INTS10: variants seen among roughly 807,000 people sequenced by gnomAD.
The protein encoded by INTS10 is integrator complex subunit 10.
In INTS10, 44 loss-of-function variants were observed where a neutral mutation model predicts 94.4. The ratio of observed to expected loss-of-function variants is 0.47; its 90% CI spans 0.37 to 0.60. INTS10 has a LOEUF of 0.60. INTS10 is among the 20% of genes least tolerant of loss of function. INTS10 has a pLI of 0.00. For synonymous variants in INTS10, 341 were observed against 320.7 expected (o/e 1.06, Z -0.68); for missense variants, 797 against 868.7 (o/e 0.92, Z 1.04).
At chr8:19,840,719 A>T (rs1041202646) in intron 13 of INTS10, among the ~76,000 whole-genome samples, 1 of 151,982 alleles carries the variant, frequency 6.6e-6, no homozygotes, top group Non-Finnish European at 1.5e-5. Context: ...TACGTTGTAT[A>T]TGTTTGAAGT....
At position 19,826,509 on chromosome 8, in the gene INTS10, A is replaced by C; in HGVS notation, c.1090A>C (p.Lys364Gln). The change falls in exon 9 of 17, where the codon AAA becomes CAA. Residue 364 changes from lysine to glutamine, a missense_variant. Transcript: ENST00000397977. ...VYGDVEIDRN[K>Q]HIHKKRKLAE... is the part of the protein sequence containing the mutation. ...TGGTGATGTAGAAATTGATCGTAAT[A>C]AACACATCCATAAAAAGAGGAAACT... The C allele has an allele frequency of 6.2e-7, 1 of 1,612,964 alleles. No individual in the cohort carries two copies. The highest frequency in any genetic ancestry group is 8.5e-7 in the Non-Finnish European group (1 of 1,179,636).
chr8:19,819,327 A>C (rs996290326), intron 2 of INTS10, among the ~76,000 whole-genome samples: 1 of 152,142 alleles, frequency 6.6e-6, no homozygotes, highest in Non-Finnish European at 1.5e-5. Flanking sequence ...GTTGACTTTT[A>C]GAAGCTCTTT....
chr8:19,843,010 A>C lies in INTS10; in HGVS notation c.1719+83A>C. On this transcript the variant is annotated intron_variant, in intron 14 of 16. Transcript: ENST00000397977. This position sits in a 1 kb window ranked among gnomAD's most constrained non-coding sequence, Gnocchi z 4.7. ...ACTCGAGAACTTGAGAACCTTGCTA[A>C]GGATTGTTATTTTAGTACTTTTGAG... is the stretch of plus-strand genomic sequence containing the variant. 1.0e-6 allele frequency: 1 copy of C among 987,396 alleles called. No homozygotes were observed. Among genetic ancestry groups the C allele is most frequent in the Admixed American group, 1.8e-5 (1 of 56,032 alleles). The allele number at this position is 987,396 out of a possible 1,614,324, so 61.2% of individuals were successfully genotyped here. A position where few individuals can be genotyped will look rare whatever the true frequency, so the allele number is the denominator to read the frequency against.
chr8:19,846,098 T>C lies in INTS10; in HGVS notation c.1976+301T>C, dbSNP rs569643239. On this transcript the variant is annotated intron_variant, in intron 16 of 16. Transcript: ENST00000397977. The surrounding 1 kb of genome is among the most constrained non-coding windows in gnomAD (Gnocchi z 4.2). ...AATTTATAGGGTGAGTCTATAAGTTTCTGATTAGTCACAGAGTGCCTTTAA... is the reference window on the plus strand; with the variant it reads ...AATTTATAGGGTGAGTCTATAAGTTCCTGATTAGTCACAGAGTGCCTTTAA... Among the ~76,000 whole-genome samples the C allele has an allele frequency of 1.1e-4, 16 of 152,218 alleles. No individual in the cohort carries two copies. Among genetic ancestry groups the C allele is most frequent in the Middle Eastern group, 3.4e-3 (1 of 294 alleles).
At position 19,822,234 on chromosome 8, in the gene INTS10, G is replaced by C. The variant is rs1397405255; in HGVS notation, c.442-205G>C. 3 of 417,860 alleles carry C rather than the reference G, an allele frequency of 7.2e-6. No individual in the cohort carries two copies. The East Asian group carries it at 1.1e-4, about 16-fold the overall frequency. The allele number at this position is 417,860 out of a possible 1,614,324, so 25.9% of individuals were successfully genotyped here. A position where few individuals can be genotyped will look rare whatever the true frequency, so the allele number is the denominator to read the frequency against. Reference sequence around the variant, plus strand: ...TGAAGAGAATAACCAAGACAGAGTGGTCAGATGTTCAGGTGAATTTGGCCT... The same window carrying C: ...TGAAGAGAATAACCAAGACAGAGTGCTCAGATGTTCAGGTGAATTTGGCCT... On this transcript the variant is annotated intron_variant, in intron 4 of 16. Coordinates refer to ENST00000397977, the MANE Select transcript of INTS10 (RefSeq NM_018142.4).
rs948952176 is a variant in INTS10, at chr8:19,846,058, T to C, written c.1976+261T>C. 2 of 383,590 alleles carry C rather than the reference T, an allele frequency of 5.2e-6. No homozygotes were observed. Among genetic ancestry groups the C allele is most frequent in the African/African-American group, 2.0e-5 (1 of 49,672 alleles). 23.8% of individuals were successfully genotyped at this position (383,590 alleles called of 1,614,324 possible). A position where few individuals can be genotyped will look rare whatever the true frequency, so the allele number is the denominator to read the frequency against. ...CTAGACAAAAGTCTCATTCATGATATCTTTTACTTTCAAAAATTTATAGGG... is the reference window on the plus strand; with the variant it reads ...CTAGACAAAAGTCTCATTCATGATACCTTTTACTTTCAAAAATTTATAGGG... On this transcript the variant is annotated intron_variant, in intron 16 of 16. Coordinates refer to ENST00000397977, the MANE Select transcript of INTS10 (RefSeq NM_018142.4). The surrounding 1 kb of genome is among the most constrained non-coding windows in gnomAD (Gnocchi z 4.2).
chr8:19,819,693 A>G lies in INTS10; in HGVS notation c.301+17A>G, dbSNP rs1310630863. 8 of 1,548,560 alleles carry G rather than the reference A, an allele frequency of 5.2e-6. No homozygotes were observed. In the African/African-American group the frequency reaches 6.8e-5, roughly 13 times the overall value. ...TTTTAAGAAGTAAGAATAATGGTGT[A>G]TAAGTTACCATTTCGGGAATACCAA... On this transcript the variant is annotated intron_variant, in intron 3 of 16. Transcript: ENST00000397977.
Position 19,830,409 on chromosome 8 carries a change from T to A in INTS10, c.1144T>A (p.Ser382Thr). The change falls in exon 10 of 17, where the codon TCA (serine) becomes ACA (threonine). Residue 382 changes from serine to threonine, a missense_variant. By Grantham distance (58) the Ser-to-Thr change is moderately conservative. This residue lies in a region of INTS10 where 734 missense variants were observed against 787.8 expected (regional missense o/e 0.93). Coordinates refer to ENST00000397977, the MANE Select transcript of INTS10 (RefSeq NM_018142.4). ...GTTCTCCACATTCTTTAAGCAGAGT[T>A]CAGACGATGAAGACTGTTCGGCGAA... is the stretch of plus-strand genomic sequence containing the variant. ...LAEGREKTMS[S>T]DDEDCSAKGR... is the part of the protein sequence containing the mutation. The A allele has an allele frequency of 6.2e-7, 1 of 1,612,936 alleles. No individual in the cohort carries two copies. Among genetic ancestry groups the A allele is most frequent in the African/African-American group, 1.3e-5 (1 of 75,004 alleles).
At chr8:19,833,344 C>T (rs745635254) in intron 12 of INTS10, 23 bp downstream of exon 12, 8 of 1,509,168 alleles carry the variant, frequency 5.3e-6, no homozygotes, top group Non-Finnish European at 7.1e-6. Flanking sequence ...CACATACATG[C>T]CTGCCGCAGG....
At chr8:19,820,296 C>T (rs1036452037) in intron 3 of INTS10, 83 bp from the exon 4 acceptor site, 1 of 1,361,816 alleles carries the variant, frequency 7.3e-7, no homozygotes. Flanking sequence ...CTGTTCTGTA[C>T]ATGAAAATGC....
In INTS10 at chr8:19,830,234, CAA is replaced by C. The variant is rs3217496; in HGVS notation, c.1141-164_1141-163del. 3.2e-3 allele frequency among the ~76,000 whole-genome samples: 491 copies of C among 151,668 alleles called. 1 individual carries two copies. Among genetic ancestry groups the C allele is most frequent in the African/African-American group, 0.011 (461 of 41,316 alleles). Reference sequence around the variant, plus strand: ...AATGGAATGTGTGAGAGTATAAAGACAAAAAAAAATTAATTTTCAAAGCTAAA... The same window carrying C: ...AATGGAATGTGTGAGAGTATAAAGACAAAAAAATTAATTTTCAAAGCTAAA... On this transcript the variant is annotated intron_variant, in intron 9 of 16. Coordinates refer to ENST00000397977, the MANE Select transcript of INTS10 (RefSeq NM_018142.4).
intron 11 of INTS10, 148 bp downstream of exon 11, chr8:19,832,258 G>T: frequency 1.7e-6 from 1 of 603,658 alleles, no homozygotes; most frequent in Non-Finnish European, 3.0e-6. Context: ...GGCTGAGGGG[G>T]TATGGTCCAT....
chr8:19,823,542 C>T, intron 6 of INTS10, 101 bp downstream of exon 6: 1 of 859,140 alleles, frequency 1.2e-6, no homozygotes, highest in South Asian at 1.5e-5. Context: ...TGGATACTTA[C>T]CAGTTTGGGA....
At chr8:19,832,139 T>G in intron 11 of INTS10, 29 bp downstream of exon 11, 11 of 1,185,408 alleles carry the variant, frequency 9.3e-6, no homozygotes, top group Non-Finnish European at 1.3e-5. Flanking sequence ...TTTAGGTACC[T>G]GTGTCTGTAC....
At chr8:19,824,738 T>C in intron 7 of INTS10, 65 bp from the exon 8 acceptor site, 2 of 1,166,642 alleles carry the variant, frequency 1.7e-6, no homozygotes, top group East Asian at 2.4e-5. Flanking sequence ...CCAGAGCTTT[T>C]CTCTAGACTT....
chr8:19,851,924 T>C lies in INTS10; in HGVS notation c.*119T>C, dbSNP rs1049092440. The C allele has an allele frequency of 8.5e-6, 7 of 826,158 alleles. No homozygotes were observed. The African/African-American group carries it at 1.0e-4, about 12-fold the overall frequency. 51.2% of individuals were successfully genotyped at this position (826,158 alleles called of 1,614,324 possible). A position where few individuals can be genotyped will look rare whatever the true frequency, so the allele number is the denominator to read the frequency against. ...GTTGCTGTTACAAAGAAGAAAACCA[T>C]CTGAGTTCTAACTCCTTGGTTGCTT... On this transcript the variant is annotated 3_prime_UTR_variant, in exon 17 of 17. Coordinates refer to ENST00000397977, the MANE Select transcript of INTS10 (RefSeq NM_018142.4). This position sits in a 1 kb window ranked among gnomAD's most constrained non-coding sequence, Gnocchi z 5.0.
At chr8:19,844,573 C>T (rs1242736880) in intron 15 of INTS10, among the ~76,000 whole-genome samples, 2 of 152,180 alleles carry the variant, frequency 1.3e-5, no homozygotes, top group African/African-American at 4.8e-5. Flanking sequence ...ACTAATAGTT[C>T]CTCTTCTTCC....
At chr8:19,818,420 G>A in intron 2 of INTS10, 78 bp downstream of exon 2, 3 of 1,412,900 alleles carry the variant, frequency 2.1e-6, no homozygotes, top group Non-Finnish European at 3.0e-6. Context: ...AGAAGTGGGA[G>A]TTGGGGGAAG....
At position 19,837,315 on chromosome 8, in the gene INTS10, C is replaced by A. The variant is rs114543278; in HGVS notation, c.1639+155C>A. 1,449 of 597,528 alleles carry A rather than the reference C, an allele frequency of 2.4e-3. 12 individuals carry two copies. The highest frequency in any genetic ancestry group is 0.023 in the African/African-American group (1,247 of 53,850). 37.0% of individuals were successfully genotyped at this position (597,528 alleles called of 1,614,324 possible). A position where few individuals can be genotyped will look rare whatever the true frequency, so the allele number is the denominator to read the frequency against. On this transcript the variant is annotated intron_variant, in intron 13 of 16. Transcript: ENST00000397977. ...GACCAGCCTGGGCAATGTAGTGAGA[C>A]CCCATCTCTTAAAAAATTTTAAAAA...
Sources: allele counts gnomAD v4.1 joint callset (sites outside exome capture counted in the v4.1 genomes callset), GRCh38; gene constraint gnomAD v4.1.1; regional missense constraint gnomAD v4.1.1; non-coding constraint Gnocchi (gnomAD v3.1); transcripts MANE v1.5; gene names NCBI Gene and HGNC (gene_info 2026-07-23, HGNC 2026-07-21).